The following SH3TC1 variants were observed in gnomAD, a reference collection of about 807,000 sequenced individuals.
The protein encoded by SH3TC1 is SH3 domain and tetratricopeptide repeats 1.
Under a neutral mutation model 117.3 loss-of-function variants are expected in SH3TC1, and 135 were observed. The ratio of observed to expected loss-of-function variants is 1.15; its 90% CI spans 1.00 to 1.33. SH3TC1 has a LOEUF of 1.33. Among genes scored for constraint, SH3TC1 ranks in the 40% most tolerant of loss-of-function variants. SH3TC1 has a pLI of 0.00. For synonymous variants in SH3TC1, 898 were observed against 816.9 expected, an observed-to-expected ratio of 1.10 and a Z score of -1.69; for missense variants, 2,092 against 1,794.3, an observed-to-expected ratio of 1.17 and a Z score of -3.00.
At chr4:8,232,525 C>A in intron 13 of SH3TC1, 1 of 1,380,650 alleles carries the variant, frequency 7.2e-7, no homozygotes, top group Non-Finnish European at 9.6e-7. Context: ...TTCACCTGTC[C>A]CCTTAAATGT....
intron 15 of SH3TC1, 180 bp from the exon 16 acceptor site, chr4:8,236,098 G>T: frequency 1.3e-6 from 1 of 747,932 alleles, no homozygotes; most frequent in Non-Finnish European, 2.0e-6. Flanking sequence ...TGGGCCTCAG[G>T]TGACTCTTCA....
chr4:8,182,395 G>A (rs928848443), intron 1 of SH3TC1, among the ~76,000 whole-genome samples: 6 of 152,292 alleles, frequency 3.9e-5, no homozygotes, highest in Admixed American at 2.0e-4. Flanking sequence ...GTGCTGCCTC[G>A]AATGGGGTTT....
intron 13 of SH3TC1, chr4:8,232,670 G>A: frequency 1.5e-6 from 2 of 1,292,474 alleles, no homozygotes; most frequent in South Asian, 1.2e-5. Flanking sequence ...ATCCTGACCT[G>A]GTGGGGTAAC....
chr4:8,199,188 C>G (rs936502525), upstream of SH3TC1: 4 of 152,324 alleles, frequency 2.6e-5, no homozygotes, highest in Non-Finnish European at 4.4e-5. Flanking sequence ...GGGCCTGCCT[C>G]TCCGTCACCG....
At position 8,225,153 on chromosome 4, in the gene SH3TC1, C is replaced by A; in HGVS notation, c.1244-22C>A. 1 of 1,613,560 alleles carries A rather than the reference C, an allele frequency of 6.2e-7. No individual in the cohort carries two copies. The highest frequency in any genetic ancestry group is 8.5e-7 in the Non-Finnish European group (1 of 1,179,858). Reference sequence around the variant, plus strand: ...AGGTACTGGCTGGGGGTGTTGATTGCTTCTCTTTTCTCCCTTGCCAGACTC... The same window carrying A: ...AGGTACTGGCTGGGGGTGTTGATTGATTCTCTTTTCTCCCTTGCCAGACTC... On this transcript the variant is annotated intron_variant, in intron 10 of 17. Transcript: ENST00000245105. This position sits in a 1 kb window ranked among gnomAD's most constrained non-coding sequence, Gnocchi z 5.5.
In SH3TC1 at chr4:8,190,258, A is replaced by G. The variant is rs1011378419; in HGVS notation, c.-57+8048A>G. ...CCTCGGAGCCTCGAGCTCCCAGGAG[A>G]TGGCTCCCAGCTGGGAGGACTTCAC... On this transcript the variant is annotated intron_variant, in intron 1 of 16. Coordinates refer to the SH3TC1 transcript ENST00000508641. The surrounding 1 kb of genome is among the most constrained non-coding windows in gnomAD (Gnocchi z 4.7). 6.6e-6 allele frequency among the ~76,000 whole-genome samples: 1 copy of G among 151,944 alleles called. No homozygotes were observed. Among genetic ancestry groups the G allele is most frequent in the African/African-American group, 2.4e-5 (1 of 41,366 alleles).
At chr4:8,194,907 C>T (rs1033211195), upstream of SH3TC1, among the ~76,000 whole-genome samples, 1 of 152,188 alleles carries the variant, frequency 6.6e-6, no homozygotes, top group Non-Finnish European at 1.5e-5. Context: ...TCCACTCACA[C>T]CTTAGAAAGC....
At chr4:8,184,360 C>T (rs1456350754) in intron 1 of SH3TC1, among the ~76,000 whole-genome samples, 1 of 152,200 alleles carries the variant, frequency 6.6e-6, no homozygotes, top group Non-Finnish European at 1.5e-5. Flanking sequence ...ATGGCTGACC[C>T]ATACCCCTGT....
In SH3TC1 at chr4:8,227,623, G is replaced by A. The variant is rs554738474; in HGVS notation, c.1929G>A (p.Ala643=). 2.8e-5 allele frequency: 42 copies of A among 1,525,136 alleles called. No homozygotes were observed. Among genetic ancestry groups the A allele is most frequent in the South Asian group, 2.2e-4 (17 of 75,772 alleles). The allele number at this position is 1,525,136 out of a possible 1,614,324, so 94.5% of individuals were successfully genotyped here. Reference sequence around the variant, plus strand: ...CTGACCACATCTGCAGCACCGAGGCGGAGGGGGAGCTCCTGCAGCTGGCGC... The same window carrying A: ...CTGACCACATCTGCAGCACCGAGGCAGAGGGGGAGCTCCTGCAGCTGGCGC... ...GTPDHICSTE[A]EGELLQLALR... is the part of the protein sequence containing the mutation. The change falls in exon 12 of 18, where the codon GCG becomes GCA. Residue 643 remains alanine, a synonymous_variant. Transcript: ENST00000245105.
chr4:8,239,430 G>GCACA (rs142161605), intron 17 of SH3TC1, among the ~76,000 whole-genome samples: 3 of 147,498 alleles, frequency 2.0e-5, no homozygotes, highest in Non-Finnish European at 4.5e-5. Flanking sequence ...ACAGGCACAT[G>GCACA]CACACACACG....
At chr4:8,215,223 T>C (rs1266544808) in intron 5 of SH3TC1, 1 of 456,266 alleles carries the variant, frequency 2.2e-6, no homozygotes. Context: ...GGGAAAGCTG[T>C]TATTTGAAAG....
intron 6 of SH3TC1, 25 bp downstream of exon 6, chr4:8,216,282 C>T (rs555609236): frequency 4.1e-5 from 66 of 1,607,348 alleles, no homozygotes; most frequent in Middle Eastern, 1.9e-4. Context: ...GGGTGATGGC[C>T]GAGATCCAGC....
intron 13 of SH3TC1, chr4:8,232,420 C>T: frequency 1.3e-6 from 2 of 1,555,670 alleles, no homozygotes; most frequent in Non-Finnish European, 1.7e-6. Context: ...CATCTCAACC[C>T]CAGCAGAAGC....
intron 14 of SH3TC1, 51 bp downstream of exon 14, chr4:8,233,564 C>A (rs565652102): frequency 2.0e-6 from 3 of 1,532,974 alleles, no homozygotes; most frequent in Non-Finnish European, 2.6e-6. Context: ...ACTCTCCATC[C>A]ATCCATCCGT....
chr4:8,233,154 G>A (rs955061718), intron 13 of SH3TC1: 1 of 1,385,036 alleles, frequency 7.2e-7, no homozygotes. Flanking sequence ...ATGATGCCCA[G>A]TTCCCTCAGA....
Position 8,227,066 on chromosome 4 carries a change from G to A in SH3TC1, c.1372G>A (p.Gly458Ser), listed in dbSNP as rs776580265. The A allele has an allele frequency of 5.0e-6, 8 of 1,609,284 alleles. No homozygotes were observed. Among genetic ancestry groups the A allele is most frequent in the African/African-American group, 1.3e-5 (1 of 74,822 alleles). Residue 458 changes from glycine (G) to serine (S), a missense_variant, in exon 12 of 18, where the codon GGC becomes AGC. Coordinates refer to ENST00000245105, the MANE Select transcript of SH3TC1 (RefSeq NM_018986.5). ...NVLEQCKTCP[G>S]CPQEPASWGL... ...TCTGGAACAATGCAAGACCTGCCCA[G>A]GCTGCCCCCAGGAGCCAGCGTCCTG... is the stretch of plus-strand genomic sequence containing the variant.
intron 12 of SH3TC1, among the ~76,000 whole-genome samples, chr4:8,229,544 G>A (rs1161339052): frequency 6.7e-6 from 1 of 148,546 alleles, no homozygotes; most frequent in Non-Finnish European, 1.5e-5. Flanking sequence ...GTAAGTGGGG[G>A]TGAGTGAGCA....
At chr4:8,194,223 G>A (rs1717495557) in intron 1 of SH3TC1, among the ~76,000 whole-genome samples, 2 of 152,220 alleles carry the variant, frequency 1.3e-5, no homozygotes, top group South Asian at 4.1e-4. Flanking sequence ...CAGCTGAAGG[G>A]TGTGGCTGGG....
chr4:8,211,294 C>T (rs1330384511), intron 3 of SH3TC1, among the ~76,000 whole-genome samples: 28 of 46,076 alleles, frequency 6.1e-4, no homozygotes, highest in African/African-American at 2.4e-3. Flanking sequence ...CTCCCCCTCC[C>T]GTTTTCTCCC....
Sources: gnomAD v4.1 joint callset for allele counts (sites outside exome capture counted in the v4.1 genomes callset) on GRCh38, gnomAD v4.1.1 for gene constraint, Gnocchi (gnomAD v3.1) non-coding constraint, MANE v1.5 for transcripts, NCBI Gene and HGNC (gene_info 2026-07-23, HGNC 2026-07-21) for gene names.